Variants in DCC observed in about 807,000 individuals in gnomAD.
DCC encodes netrin receptor DCC.
In DCC, 58 loss-of-function variants were observed where a neutral mutation model predicts 172.5. The ratio of observed to expected loss-of-function variants is 0.34; its 90% CI spans 0.27 to 0.42. The LOEUF (loss-of-function observed/expected upper bound fraction) is 0.42. DCC is among the 10% of genes least tolerant of loss of function. DCC has a pLI of 1.00. For synonymous variants in DCC, 709 were observed against 644.5 expected, an observed-to-expected ratio of 1.10 and a Z score of -1.52; for missense variants, 1,740 against 1,791.0, an observed-to-expected ratio of 0.97 and a Z score of 0.51.
At chr18:53,161,035 C>T (rs938808650) in intron 8 of DCC, among the ~76,000 whole-genome samples, 1 of 152,204 alleles carries the variant, frequency 6.6e-6, no homozygotes, top group Non-Finnish European at 1.5e-5. Flanking sequence ...GTGAATTACA[C>T]CTATCAGCAT....
chr18:53,299,932 T>C (rs1050882491), intron 12 of DCC, among the ~76,000 whole-genome samples: 2 of 152,176 alleles, frequency 1.3e-5, no homozygotes. Context: ...CATAAAAATA[T>C]AAATAATGCA....
intron 1 of DCC, among the ~76,000 whole-genome samples, chr18:52,376,633 A>T (rs978964819): frequency 8.0e-4 from 122 of 152,190 alleles, no homozygotes; most frequent in African/African-American, 2.8e-3. Context: ...TCCCTATCTC[A>T]TCTTTTACAC....
At chr18:52,917,465 T>TAGGA (rs1171024999) in intron 3 of DCC, among the ~76,000 whole-genome samples, 2 of 152,200 alleles carry the variant, frequency 1.3e-5, no homozygotes, top group African/African-American at 4.8e-5. Context: ...AGCACAAAAG[T>TAGGA]TCCTGAGACC....
intron 1 of DCC, among the ~76,000 whole-genome samples, chr18:52,569,831 G>A (rs1302264600): frequency 6.6e-6 from 1 of 152,290 alleles, no homozygotes; most frequent in Non-Finnish European, 1.5e-5. Flanking sequence ...TAAAGGCAAT[G>A]TGTATTACAT....
intron 1 of DCC, among the ~76,000 whole-genome samples, chr18:52,625,310 A>G (rs1427107981): frequency 3.3e-5 from 5 of 152,148 alleles, no homozygotes; most frequent in Non-Finnish European, 5.9e-5. Flanking sequence ...GATTCTCTAA[A>G]TTGTTAGGCT....
intron 7 of DCC, among the ~76,000 whole-genome samples, chr18:53,147,367 A>T (rs1168632219): frequency 6.6e-6 from 1 of 152,160 alleles, no homozygotes; most frequent in African/African-American, 2.4e-5. Flanking sequence ...AACAAAAAGG[A>T]ATCTAAGGAA....
At chr18:52,660,344 G>A (rs1003049244) in intron 1 of DCC, among the ~76,000 whole-genome samples, 2 of 152,002 alleles carry the variant, frequency 1.3e-5, no homozygotes, top group African/African-American at 2.4e-5. Context: ...TAGATGTTGT[G>A]AAAGGGAGAA....
intron 2 of DCC, among the ~76,000 whole-genome samples, chr18:52,855,595 C>G (rs1198029322): frequency 6.6e-6 from 1 of 152,098 alleles, no homozygotes; most frequent in Non-Finnish European, 1.5e-5. Flanking sequence ...TCATGATCCA[C>G]TCTAGCTTCA....
chr18:52,763,706 C>T (rs2011160), intron 2 of DCC, among the ~76,000 whole-genome samples: 149,214 of 152,320 alleles, frequency 0.98, 73,161 homozygotes, highest in East Asian at 1. Context: ...CGTGCAACCA[C>T]CACCACTATC....
chr18:52,963,206 G>T (rs576200214), intron 5 of DCC, among the ~76,000 whole-genome samples: 16 of 151,296 alleles, frequency 1.1e-4, no homozygotes, highest in African/African-American at 3.6e-4. Context: ...AATATCAAGG[G>T]ATATAGATTT....
Position 52,374,172 on chromosome 18 carries a change from A to G in DCC, c.91+33294A>G, listed in dbSNP as rs1354774465. Among the ~76,000 whole-genome samples, 5 of 152,136 alleles carry G rather than the reference A, an allele frequency of 3.3e-5. No individual in the cohort carries two copies. The South Asian group carries it at 1.0e-3, about 32-fold the overall frequency. On this transcript the variant is annotated intron_variant, in intron 1 of 28. Transcript: ENST00000442544. ...CTCCCAAAGTGCTGGGATTACAGAC[A>G]TGAGCCACCATGCTGGGCCTATATT...
At chr18:52,404,053 C>T (rs1598790004) in intron 1 of DCC, among the ~76,000 whole-genome samples, 1 of 152,030 alleles carries the variant, frequency 6.6e-6, no homozygotes, top group East Asian at 1.9e-4. Context: ...CAGGGCATGT[C>T]TTTGGCTAGA....
chr18:52,997,500 T>C (rs1412207662), intron 5 of DCC, among the ~76,000 whole-genome samples: 2 of 152,078 alleles, frequency 1.3e-5, no homozygotes, highest in Non-Finnish European at 1.5e-5. Context: ...CAAAATATGA[T>C]AGGACAGACT....
Position 52,790,969 on chromosome 18 carries a change from C to T in DCC, c.412+38595C>T, listed in dbSNP as rs903546441. Among the ~76,000 whole-genome samples the T allele has an allele frequency of 3.3e-5, 5 of 152,140 alleles. No individual in the cohort carries two copies. In the East Asian group the frequency reaches 7.7e-4, roughly 24 times the overall value. ...GCAATGAGAATGGAAGTTGAACCCT[C>T]GTGGCATCACCTCCATTGGACATTT... On this transcript the variant is annotated intron_variant, in intron 2 of 28. Coordinates refer to ENST00000442544, the MANE Select transcript of DCC (RefSeq NM_005215.4).
At chr18:53,337,359 A>G (rs532651736) in intron 14 of DCC, among the ~76,000 whole-genome samples, 1 of 152,358 alleles carries the variant, frequency 6.6e-6, no homozygotes, top group East Asian at 1.9e-4. Context: ...CAAACACTTC[A>G]AATATGCTAA....
At chr18:52,648,666 C>T (rs1321144599) in intron 1 of DCC, among the ~76,000 whole-genome samples, 1 of 152,014 alleles carries the variant, frequency 6.6e-6, no homozygotes, top group Non-Finnish European at 1.5e-5. Context: ...AGATTGTGTG[C>T]CCAATCCGAG....
intron 2 of DCC, among the ~76,000 whole-genome samples, chr18:52,897,674 T>G (rs2039750496): frequency 6.6e-6 from 1 of 151,802 alleles, no homozygotes; most frequent in Admixed American, 6.6e-5. Flanking sequence ...CCTTTAGAGG[T>G]TCATTCATTT....
At chr18:53,527,707 A>C (rs1278885438) in intron 28 of DCC, among the ~76,000 whole-genome samples, 3 of 152,024 alleles carry the variant, frequency 2.0e-5, no homozygotes, top group Non-Finnish European at 4.4e-5. Context: ...AGAAAAAAAA[A>C]ACATTTATCC....
At chr18:52,431,627 G>C (rs1049339376) in intron 1 of DCC, among the ~76,000 whole-genome samples, 1 of 152,124 alleles carries the variant, frequency 6.6e-6, no homozygotes, top group Non-Finnish European at 1.5e-5. Flanking sequence ...GCTGTTTATG[G>C]TTCCAATGCC....
Sources: allele counts gnomAD v4.1 joint callset (sites outside exome capture counted in the v4.1 genomes callset), GRCh38; gene constraint gnomAD v4.1.1; transcripts MANE v1.5; gene names NCBI Gene and HGNC (gene_info 2026-07-23, HGNC 2026-07-21).